Variants in TENM2 observed in about 807,000 individuals in gnomAD.
The protein encoded by TENM2 is teneurin transmembrane protein 2.
Under a neutral mutation model 245.2 loss-of-function variants are expected in TENM2, and 52 were observed. The ratio of observed to expected loss-of-function variants is 0.21; its 90% CI spans 0.17 to 0.27. The LOEUF (loss-of-function observed/expected upper bound fraction) is 0.27, where lower values mean the gene tolerates loss of function less well. Ranked by LOEUF, TENM2 falls within the 10% of genes least tolerant of loss-of-function variation. The pLI is 1.00. For missense variants in TENM2, 3,046 were observed against 3,666.8 expected, an observed-to-expected ratio of 0.83 and a Z score of 4.37; for synonymous variants, 1,363 against 1,438.9, an observed-to-expected ratio of 0.95 and a Z score of 1.19.
the TENM2 span, among the ~76,000 whole-genome samples, chr5:167,268,045 G>A: frequency 6.6e-6 from 1 of 151,976 alleles, no homozygotes; most frequent in Non-Finnish European, 1.5e-5. Context: ...TTCTCTGCAT[G>A]TGTATTCTTC....
In TENM2 at chr5:167,952,836, G is replaced by A. The variant is rs1330305642; in HGVS notation, c.947+14G>A. ...ACTGGAGACCCGGTAAGTCCCCATC[G>A]CCAGCTCACAGTCACACTCAGTGTC... On this transcript the variant is annotated intron_variant, in intron 4 of 28. Transcript: ENST00000518659. The A allele has an allele frequency of 1.3e-6, 2 of 1,548,310 alleles. No individual in the cohort carries two copies. Among genetic ancestry groups the A allele is most frequent in the African/African-American group, 1.4e-5 (1 of 73,044 alleles).
intron 2 of TENM2, among the ~76,000 whole-genome samples, chr5:167,769,559 A>G (rs1264782056): frequency 2.0e-5 from 3 of 152,200 alleles, no homozygotes; most frequent in Non-Finnish European, 4.4e-5. Context: ...CTTAAAAACT[A>G]AACTGGTTAT....
the TENM2 span, among the ~76,000 whole-genome samples, chr5:167,059,528 T>C: frequency 0.033 from 5,056 of 152,212 alleles, 115 homozygotes; most frequent in South Asian, 0.09. Flanking sequence ...ACAATGTCCT[T>C]ATGTAGAAAT....
intron 2 of TENM2, among the ~76,000 whole-genome samples, chr5:167,745,296 T>C (rs1761480442): frequency 6.6e-6 from 1 of 152,188 alleles, no homozygotes; most frequent in Non-Finnish European, 1.5e-5. Flanking sequence ...AATTCTGGCT[T>C]GTTGCAAGTG....
At chr5:167,408,003 C>T (rs1762722270) in intron 2 of TENM2, among the ~76,000 whole-genome samples, 1 of 152,142 alleles carries the variant, frequency 6.6e-6, no homozygotes, top group African/African-American at 2.4e-5. Context: ...GAAGTTCATA[C>T]AATGAATTCA....
intron 1 of TENM2, among the ~76,000 whole-genome samples, chr5:167,316,085 A>G (rs929925722): frequency 6.6e-6 from 1 of 151,982 alleles, no homozygotes; most frequent in African/African-American, 2.4e-5. Context: ...TTGCCATTCC[A>G]TTCACTCCCT....
chr5:167,634,570 G>A (rs998955012), intron 2 of TENM2, among the ~76,000 whole-genome samples: 1 of 151,008 alleles, frequency 6.6e-6, no homozygotes, highest in Admixed American at 6.6e-5. Flanking sequence ...CACTGCTGGT[G>A]CTAGGACTCA....
At chr5:167,019,883 ATCT>A in the TENM2 span, among the ~76,000 whole-genome samples, 1 of 152,178 alleles carries the variant, frequency 6.6e-6, no homozygotes, top group Non-Finnish European at 1.5e-5. Flanking sequence ...AGGAAAAATA[ATCT>A]TATTTAGTGC....
intron 5 of TENM2, among the ~76,000 whole-genome samples, chr5:168,046,425 T>C (rs1788612617): frequency 6.6e-6 from 1 of 152,212 alleles, no homozygotes; most frequent in Non-Finnish European, 1.5e-5. Flanking sequence ...TTACTTATTC[T>C]CAAAGGAAGC....
chr5:167,548,007 A>G (rs1428166087), intron 2 of TENM2, among the ~76,000 whole-genome samples: 1 of 152,230 alleles, frequency 6.6e-6, no homozygotes, highest in Non-Finnish European at 1.5e-5. Flanking sequence ...AAAACAGGTT[A>G]AAGGAATAAG....
At chr5:167,554,848 TTCTC>T (rs138406596) in intron 2 of TENM2, among the ~76,000 whole-genome samples, 1 of 151,598 alleles carries the variant, frequency 6.6e-6, no homozygotes, top group Non-Finnish European at 1.5e-5. Flanking sequence ...TCAAAGGAGC[TTCTC>T]TCTCTCTCTG....
chr5:167,045,041 A>T, the TENM2 span, among the ~76,000 whole-genome samples: 1 of 152,296 alleles, frequency 6.6e-6, no homozygotes, highest in African/African-American at 2.4e-5. Context: ...GACTGGACCT[A>T]GAGATGAGGG....
chr5:168,257,262 G>A (rs946961729), intron 27 of TENM2, among the ~76,000 whole-genome samples: 3 of 152,056 alleles, frequency 2.0e-5, no homozygotes, highest in Non-Finnish European at 4.4e-5. Flanking sequence ...AGGGGACTAG[G>A]GATTGCAAGA....
intron 8 of TENM2, among the ~76,000 whole-genome samples, chr5:168,094,276 T>A (rs1458261659): frequency 6.6e-6 from 1 of 152,098 alleles, no homozygotes; most frequent in Non-Finnish European, 1.5e-5. Context: ...GCAAAGAGAC[T>A]GTGCAAAGAT....
chr5:167,927,449 C>T (rs532372056), intron 3 of TENM2, among the ~76,000 whole-genome samples: 22 of 152,258 alleles, frequency 1.4e-4, no homozygotes, highest in Non-Finnish European at 2.5e-4. Flanking sequence ...GGTAATGCAG[C>T]GGTGCTAATG....
chr5:167,827,721 G>T, intron 2 of TENM2, among the ~76,000 whole-genome samples: 1 of 150,252 alleles, frequency 6.7e-6, no homozygotes, highest in East Asian at 2.0e-4. Flanking sequence ...TTGAGGAGTT[G>T]AGTTATTGCC....
intron 2 of TENM2, chr5:167,721,548 C>T (rs1408043553): frequency 6.6e-6 from 1 of 152,166 alleles, no homozygotes; most frequent in African/African-American, 2.4e-5. Flanking sequence ...TGGTTCATGG[C>T]CCCTTCCTTC....
chr5:167,125,097 A>C, the TENM2 span, among the ~76,000 whole-genome samples: 1 of 152,230 alleles, frequency 6.6e-6, no homozygotes, highest in East Asian at 1.9e-4. Flanking sequence ...ATCAGAAAAG[A>C]GTCCAGCAAA....
intron 9 of TENM2, among the ~76,000 whole-genome samples, chr5:168,108,375 C>T: frequency 6.6e-6 from 1 of 152,186 alleles, no homozygotes; most frequent in Non-Finnish European, 1.5e-5. Flanking sequence ...TAACTGAACC[C>T]ATTTTAGAAA....
Sources: allele counts gnomAD v4.1 joint callset (sites outside exome capture counted in the v4.1 genomes callset), GRCh38; gene constraint gnomAD v4.1.1; transcripts MANE v1.5; gene names NCBI Gene and HGNC (gene_info 2026-07-23, HGNC 2026-07-21).